SWT1: variants seen among roughly 807,000 people sequenced by gnomAD.
The protein encoded by SWT1 is SWT1 RNA endoribonuclease homolog.
A neutral mutation model predicts 107.3 loss-of-function variants in SWT1; 33 were observed. The observed-to-expected ratio is 0.31, with a 90% CI of 0.23 to 0.41. SWT1 has a LOEUF of 0.41. Ranked by LOEUF, SWT1 falls within the 10% of genes least tolerant of loss-of-function variation. The pLI is 1.00. For missense variants in SWT1, 898 were observed against 1,028.9 expected (o/e 0.87, Z 1.74); for synonymous variants, 345 against 348.3 (o/e 0.99, Z 0.11).
Position 185,174,565 on chromosome 1 carries a change from G to C in SWT1, c.418G>C (p.Ala140Pro), listed in dbSNP as rs758212541. 3 of 1,607,792 alleles carry C rather than the reference G, an allele frequency of 1.9e-6. No individual in the cohort carries two copies. The highest frequency in any genetic ancestry group is 1.7e-5 in the Admixed American group (1 of 58,284). Residue 140 changes from alanine (A) to proline (P), a missense_variant, in exon 5 of 19, where the codon GCT becomes CCT. Ala to Pro is a conservative substitution (Grantham distance 27). Transcript: ENST00000367500. ...FKPKDIKLTN[A>P]GSKLDHGIKS... ...ACCTAAAGATATCAAATTGACAAAT[G>C]CTGGGAGCAAGCTTGACCATGGAAT...
At chr1:185,216,632 G>A (rs1364929677) in intron 14 of SWT1, among the ~76,000 whole-genome samples, 5 of 152,198 alleles carry the variant, frequency 3.3e-5, no homozygotes, top group South Asian at 4.1e-4. Flanking sequence ...TGCCTACTAC[G>A]TATATGTTGC....
intron 16 of SWT1, among the ~76,000 whole-genome samples, chr1:185,256,506 G>C (rs1431421554): frequency 2.1e-5 from 3 of 141,696 alleles, no homozygotes; most frequent in Admixed American, 7.2e-5. Context: ...CTCTAAACTT[G>C]CCTTCTCGCT....
intron 18 of SWT1, among the ~76,000 whole-genome samples, chr1:185,278,212 T>C (rs746248239): frequency 6.6e-6 from 1 of 152,190 alleles, no homozygotes; most frequent in South Asian, 2.1e-4. Context: ...AACTTATACA[T>C]TGAAATCTAA....
chr1:185,204,954 G>A (rs1225219749), intron 12 of SWT1, 91 bp downstream of exon 12: 10 of 684,048 alleles, frequency 1.5e-5, no homozygotes, highest in East Asian at 1.3e-4. Context: ...AAATGCATAC[G>A]CTTCATTGAA....
rs748260025 is a variant in SWT1 at position 185,290,110 on chromosome 1, A to AT, written c.2574-564_2574-563insT. Among the ~76,000 whole-genome samples the AT allele has an allele frequency of 1.8e-4, 28 of 151,758 alleles. 1 individual carries two copies. The East Asian group carries it at 2.7e-3, about 15-fold the overall frequency. ...AGACCCTGTCTCTACCAAAAAAAAAAGCAAAACAAAACAAAACAAAATTAG... is the reference window on the plus strand; with the variant it reads ...AGACCCTGTCTCTACCAAAAAAAAAATGCAAAACAAAACAAAACAAAATTAG... On this transcript the variant is annotated intron_variant, in intron 18 of 18. Coordinates refer to ENST00000367500, the MANE Select transcript of SWT1 (RefSeq NM_017673.7).
At chr1:185,278,520 C>G (rs991405739) in intron 18 of SWT1, among the ~76,000 whole-genome samples, 1 of 152,152 alleles carries the variant, frequency 6.6e-6, no homozygotes, top group Non-Finnish European at 1.5e-5. Flanking sequence ...TAGGCCCAGG[C>G]AAATTCATGA....
chr1:185,228,188 TAC>T (rs775585667), intron 15 of SWT1, among the ~76,000 whole-genome samples: 2,729 of 75,602 alleles, frequency 0.036, 25 homozygotes, highest in African/African-American at 0.047. Context: ...TATATATATA[TAC>T]ATATATATAT....
chr1:185,201,946 AT>A (rs149794407), intron 10 of SWT1, among the ~76,000 whole-genome samples: 5,409 of 149,380 alleles, frequency 0.036, 309 homozygotes, highest in African/African-American at 0.12. Context: ...TAGTTAATAT[AT>A]TTTTTTTTTG....
chr1:185,209,392 A>G (rs1283272006), intron 13 of SWT1, among the ~76,000 whole-genome samples: 1 of 152,040 alleles, frequency 6.6e-6, no homozygotes, highest in Non-Finnish European at 1.5e-5. Flanking sequence ...ACCCCCTGAC[A>G]GGCCCCAGTG....
chr1:185,200,692 G>C (rs1394861320), intron 10 of SWT1, among the ~76,000 whole-genome samples: 1 of 152,218 alleles, frequency 6.6e-6, no homozygotes, highest in African/African-American at 2.4e-5. Context: ...GTCAACCCCT[G>C]TTGGGAGGTG....
intron 15 of SWT1, among the ~76,000 whole-genome samples, chr1:185,228,647 T>G (rs1381147056): frequency 6.6e-6 from 1 of 152,234 alleles, no homozygotes; most frequent in Non-Finnish European, 1.5e-5. Context: ...TGTATTTTTT[T>G]CATACTTTCA....
At chr1:185,289,079 T>C (rs1483476831) in intron 18 of SWT1, among the ~76,000 whole-genome samples, 1 of 152,204 alleles carries the variant, frequency 6.6e-6, no homozygotes, top group Admixed American at 6.5e-5. Context: ...AGGAGGTACA[T>C]CCTCTTAATA....
At chr1:185,258,310 A>T (rs1195651875) in intron 16 of SWT1, among the ~76,000 whole-genome samples, 1 of 152,130 alleles carries the variant, frequency 6.6e-6, no homozygotes, top group African/African-American at 2.4e-5. Flanking sequence ...TTCTAACATT[A>T]TATAATGTTC....
chr1:185,236,343 A>G (rs1558063557), intron 16 of SWT1, among the ~76,000 whole-genome samples: 1 of 152,216 alleles, frequency 6.6e-6, no homozygotes, highest in Non-Finnish European at 1.5e-5. Context: ...AGTAACAAAA[A>G]CAGCATGGTA....
chr1:185,166,716 T>C lies in SWT1; in HGVS notation c.165+64T>C, dbSNP rs571276912. 6.6e-6 allele frequency: 7 copies of C among 1,063,406 alleles called. No homozygotes were observed. In the East Asian group the frequency reaches 1.7e-4, roughly 25 times the overall value. 65.9% of individuals were successfully genotyped at this position (1,063,406 alleles called of 1,614,324 possible). ...CTAAAGTTTTAATCGACAGTGTTTG[T>C]GATATAAATTCCTCCTATACTTTTT... On this transcript the variant is annotated intron_variant, in intron 3 of 18. Coordinates refer to ENST00000367500, the MANE Select transcript of SWT1 (RefSeq NM_017673.7).
intron 5 of SWT1, among the ~76,000 whole-genome samples, chr1:185,175,469 C>T (rs1217519049): frequency 3.9e-5 from 6 of 152,118 alleles, no homozygotes; most frequent in Admixed American, 2.6e-4. Flanking sequence ...TGAAGCAGTT[C>T]GCCCCTGCTC....
chr1:185,245,516 G>A (rs1172586568), intron 16 of SWT1, among the ~76,000 whole-genome samples: 2 of 152,082 alleles, frequency 1.3e-5, no homozygotes, highest in Non-Finnish European at 2.9e-5. Flanking sequence ...ATAATAAAAA[G>A]TATAGTAGAG....
intron 16 of SWT1, among the ~76,000 whole-genome samples, chr1:185,234,678 C>T (rs761768215): frequency 1.3e-5 from 2 of 152,046 alleles, no homozygotes; most frequent in Non-Finnish European, 2.9e-5. Flanking sequence ...TTTCTTTGCC[C>T]GTTAGTTGGT....
At chr1:185,201,505 G>C (rs1657879873) in intron 10 of SWT1, among the ~76,000 whole-genome samples, 1 of 152,160 alleles carries the variant, frequency 6.6e-6, no homozygotes, top group African/African-American at 2.4e-5. Context: ...CTAGGGGAGG[G>C]AGTTCCCTGA....
Sources: gnomAD v4.1 joint callset for allele counts (sites outside exome capture counted in the v4.1 genomes callset) on GRCh38, gnomAD v4.1.1 for gene constraint, MANE v1.5 for transcripts, NCBI Gene and HGNC (gene_info 2026-07-23, HGNC 2026-07-21) for gene names.